The following DSCAML1 variants were observed in gnomAD, a reference collection of about 807,000 sequenced individuals.
DSCAML1 encodes DS cell adhesion molecule like 1.
A neutral mutation model predicts 200.5 loss-of-function variants in DSCAML1; 38 were observed. That is an observed-to-expected ratio of 0.19 (90% CI 0.15 to 0.25). The LOEUF is 0.25. Among genes scored for constraint, DSCAML1 ranks in the 10% least tolerant of loss-of-function variants. The pLI, the probability that DSCAML1 is intolerant of heterozygous loss-of-function variation, is 1.00. For synonymous variants in DSCAML1, 1,215 were observed against 1,165.0 expected (o/e 1.04, Z -0.87); for missense variants, 2,223 against 2,858.8 (o/e 0.78, Z 5.07).
intron 3 of DSCAML1, among the ~76,000 whole-genome samples, chr11:117,540,123 G>C (rs559726567): frequency 2.9e-4 from 44 of 152,354 alleles, no homozygotes; most frequent in Admixed American, 1.6e-3. Context: ...CTAGGGGCTA[G>C]AGGGAGGGAA....
chr11:117,573,912 C>T (rs1370799020), intron 3 of DSCAML1, among the ~76,000 whole-genome samples: 3 of 152,256 alleles, frequency 2.0e-5, no homozygotes, highest in Non-Finnish European at 4.4e-5. Context: ...TGCCTCCTCC[C>T]TCTGCTGCTG....
In DSCAML1 at chr11:117,780,226, A is replaced by AG. The variant is rs1565280578; in HGVS notation, c.364+266dup. ...GAAAGAAAGAGAGAGAGAGAAAGAA[A>AG]GAAAGGAAAGAAAGAAAGAAAGAAA... On this transcript the variant is annotated intron_variant, in intron 2 of 32. Coordinates refer to ENST00000651296, the MANE Select transcript of DSCAML1 (RefSeq NM_020693.4). This position sits in a 1 kb window ranked among gnomAD's most constrained non-coding sequence, Gnocchi z 4.8. Among the ~76,000 whole-genome samples, 525 of 118,778 alleles carry AG rather than the reference A, an allele frequency of 4.4e-3. 7 individuals are homozygous for AG. Among genetic ancestry groups the AG allele is most frequent in the African/African-American group, 0.018 (484 of 26,858 alleles). The allele number at this position is 118,778 out of a possible 152,430, so 77.9% of individuals were successfully genotyped here.
chr11:117,492,956 G>C (rs1031601867), intron 11 of DSCAML1, among the ~76,000 whole-genome samples: 1 of 152,210 alleles, frequency 6.6e-6, no homozygotes, highest in Non-Finnish European at 1.5e-5. Flanking sequence ...AATTCAGATT[G>C]CATGGAAGCA....
chr11:117,607,238 C>G (rs1007028782), intron 3 of DSCAML1, among the ~76,000 whole-genome samples: 3 of 152,214 alleles, frequency 2.0e-5, no homozygotes, highest in African/African-American at 7.2e-5. Flanking sequence ...GTGGCTGAGT[C>G]TATCCACCTT....
intron 3 of DSCAML1, among the ~76,000 whole-genome samples, chr11:117,629,016 A>C (rs2052113444): frequency 6.6e-6 from 1 of 152,164 alleles, no homozygotes; most frequent in Non-Finnish European, 1.5e-5. Flanking sequence ...TCAGGGATGC[A>C]GTGGTCAGGA....
rs1473972608 is a variant in DSCAML1 at position 117,781,000 on chromosome 11, A to G, written c.47-190T>C. 1.3e-5 allele frequency among the ~76,000 whole-genome samples: 2 copies of G among 152,222 alleles called. No individual in the cohort carries two copies. Among genetic ancestry groups the G allele is most frequent in the Non-Finnish European group, 2.9e-5 (2 of 68,042 alleles). Reference sequence around the variant, plus strand: ...GTGAATCAGAGACAGTTCCTGATCTATAGAAAACCACAGCCTTCGGGTGCG... The same window carrying G: ...GTGAATCAGAGACAGTTCCTGATCTGTAGAAAACCACAGCCTTCGGGTGCG... On this transcript the variant is annotated intron_variant, in intron 1 of 32. Transcript: ENST00000651296. This position sits in a 1 kb window ranked among gnomAD's most constrained non-coding sequence, Gnocchi z 4.8.
chr11:117,688,127 T>G (rs186963446), intron 3 of DSCAML1, among the ~76,000 whole-genome samples: 5 of 152,252 alleles, frequency 3.3e-5, no homozygotes, highest in African/African-American at 7.2e-5. Flanking sequence ...AGAATGGAAT[T>G]CTCAATAGCA....
chr11:117,772,277 TG>T, intron 3 of DSCAML1, among the ~76,000 whole-genome samples: 1 of 152,230 alleles, frequency 6.6e-6, no homozygotes, highest in South Asian at 2.1e-4. Context: ...TGGCCAAAGG[TG>T]GGCTGCAGGG....
chr11:117,607,871 GAA>G (rs767785483), intron 3 of DSCAML1, among the ~76,000 whole-genome samples: 1 of 152,306 alleles, frequency 6.6e-6, no homozygotes, highest in South Asian at 2.1e-4. Flanking sequence ...TGTCAATAGG[GAA>G]AAAGAGTCTT....
intron 3 of DSCAML1, among the ~76,000 whole-genome samples, chr11:117,610,910 G>C (rs951841917): frequency 1.3e-5 from 2 of 149,318 alleles, no homozygotes; most frequent in African/African-American, 2.5e-5. Flanking sequence ...CATCCCTGTA[G>C]GGTAAATTCC....
At chr11:117,672,926 T>C (rs2053141123) in intron 3 of DSCAML1, among the ~76,000 whole-genome samples, 1 of 152,214 alleles carries the variant, frequency 6.6e-6, no homozygotes. Context: ...GGGTGTGCTG[T>C]ACTAATACAT....
At chr11:117,786,123 C>A (rs1404744584) in intron 1 of DSCAML1, among the ~76,000 whole-genome samples, 1 of 152,160 alleles carries the variant, frequency 6.6e-6, no homozygotes, top group Non-Finnish European at 1.5e-5. Flanking sequence ...CAGACAGAAC[C>A]AGGCATATTT....
At chr11:117,736,342 G>A (rs2054315545) in intron 3 of DSCAML1, among the ~76,000 whole-genome samples, 1 of 152,204 alleles carries the variant, frequency 6.6e-6, no homozygotes, top group Admixed American at 6.5e-5. Flanking sequence ...TCTCAATATG[G>A]CTGTTTGCAA....
intron 11 of DSCAML1, among the ~76,000 whole-genome samples, chr11:117,487,151 C>T (rs1156466759): frequency 1.3e-5 from 2 of 151,846 alleles, no homozygotes; most frequent in Admixed American, 6.6e-5. Flanking sequence ...TCTTGAACTC[C>T]TGATCTCAGG....
At chr11:117,682,445 C>G (rs2053328277) in intron 3 of DSCAML1, among the ~76,000 whole-genome samples, 1 of 152,208 alleles carries the variant, frequency 6.6e-6, no homozygotes, top group Admixed American at 6.5e-5. Flanking sequence ...CCTGCCCATC[C>G]TTCTTCCAGA....
intron 3 of DSCAML1, among the ~76,000 whole-genome samples, chr11:117,631,367 G>A (rs1338079512): frequency 6.6e-6 from 1 of 152,212 alleles, no homozygotes. Flanking sequence ...GCCCACCAGG[G>A]TTCCTGGCTA....
intron 3 of DSCAML1, among the ~76,000 whole-genome samples, chr11:117,652,672 C>G (rs1246708382): frequency 6.6e-6 from 1 of 152,200 alleles, no homozygotes; most frequent in African/African-American, 2.4e-5. Context: ...TTGCCTGGGC[C>G]CCCGAAGCAA....
chr11:117,571,715 A>C (rs2050850423), intron 3 of DSCAML1, among the ~76,000 whole-genome samples: 1 of 152,224 alleles, frequency 6.6e-6, no homozygotes, highest in South Asian at 2.1e-4. Flanking sequence ...GAACCAGAGC[A>C]ACTCCATCTT....
chr11:117,704,233 C>T (rs2053719869), intron 3 of DSCAML1, among the ~76,000 whole-genome samples: 2 of 151,878 alleles, frequency 1.3e-5, no homozygotes, highest in South Asian at 2.1e-4. Flanking sequence ...TAAAAATCCC[C>T]CTGCCACCAC....
Sources: allele counts gnomAD v4.1 joint callset (sites outside exome capture counted in the v4.1 genomes callset), GRCh38; gene constraint gnomAD v4.1.1; non-coding constraint Gnocchi (gnomAD v3.1); transcripts MANE v1.5; gene names NCBI Gene and HGNC (gene_info 2026-07-23, HGNC 2026-07-21).